The following SHANK2 variants were observed in gnomAD, a reference collection of about 807,000 sequenced individuals.
The protein encoded by SHANK2 is SH3 and multiple ankyrin repeat domains protein 2.
In SHANK2, 43 loss-of-function variants were observed where a neutral mutation model predicts 133.7. The ratio of observed to expected loss-of-function variants is 0.32; its 90% CI spans 0.25 to 0.41. SHANK2 has a LOEUF of 0.41. Among genes scored for constraint, SHANK2 ranks in the 10% least tolerant of loss-of-function variants. The pLI is 1.00. For synonymous variants in SHANK2, 1,017 were observed against 952.8 expected (o/e 1.07, Z -1.24); for missense variants, 1,994 against 2,235.8 (o/e 0.89, Z 2.18).
chr11:70,929,412 C>T (rs1252828376), intron 10 of SHANK2, among the ~76,000 whole-genome samples: 1 of 152,218 alleles, frequency 6.6e-6, no homozygotes, highest in African/African-American at 2.4e-5. Flanking sequence ...TATGCTCTTA[C>T]TGTTCTGGAG....
At chr11:71,118,029 C>T (rs1254235142) in intron 4 of SHANK2, among the ~76,000 whole-genome samples, 5 of 152,138 alleles carry the variant, frequency 3.3e-5, no homozygotes, top group African/African-American at 1.2e-4. Flanking sequence ...TGACATCCAG[C>T]TGGTGTCTGG....
intron 17 of SHANK2, among the ~76,000 whole-genome samples, chr11:70,544,909 G>A (rs1554975934): frequency 6.6e-6 from 1 of 152,226 alleles, no homozygotes; most frequent in African/African-American, 2.4e-5. Flanking sequence ...TGAGCACCAA[G>A]GACACCGTCG....
At chr11:70,812,133 C>T (rs1555053331) in intron 12 of SHANK2, among the ~76,000 whole-genome samples, 1 of 152,256 alleles carries the variant, frequency 6.6e-6, no homozygotes, top group Middle Eastern at 3.2e-3. Context: ...GTCCAGCTGG[C>T]ACCAGAGTGC....
intron 2 of SHANK2, among the ~76,000 whole-genome samples, chr11:71,208,471 G>T (rs183315829): frequency 6.6e-6 from 1 of 152,246 alleles, no homozygotes; most frequent in African/African-American, 2.4e-5. Context: ...TAGCTCCAGG[G>T]GACATTACGT....
intron 3 of SHANK2, among the ~76,000 whole-genome samples, chr11:71,132,126 G>A (rs149971611): frequency 0.012 from 1,839 of 152,338 alleles, 12 homozygotes; most frequent in East Asian, 0.02. Context: ...ATGCTGCTCA[G>A]AAGCTGTGGT....
At chr11:70,865,018 T>C (rs1949330456) in intron 11 of SHANK2, 1 of 152,070 alleles carries the variant, frequency 6.6e-6, no homozygotes, top group African/African-American at 2.4e-5. Flanking sequence ...GGAGTGAGAG[T>C]GTCTTAAAGA....
intron 9 of SHANK2, among the ~76,000 whole-genome samples, chr11:71,071,453 T>G (rs1031065427): frequency 6.6e-6 from 1 of 152,210 alleles, no homozygotes; most frequent in African/African-American, 2.4e-5. Flanking sequence ...TATCCACACG[T>G]GCTTCCTCTC....
intron 14 of SHANK2, among the ~76,000 whole-genome samples, chr11:70,770,952 TCTCA>T (rs1947237731): frequency 8.2e-6 from 1 of 121,536 alleles, no homozygotes; most frequent in Non-Finnish European, 1.6e-5. Flanking sequence ...TTTGACAGGG[TCTCA>T]CTCTGTCACC....
At chr11:70,506,366 C>T (rs1160006311) in intron 17 of SHANK2, among the ~76,000 whole-genome samples, 1 of 152,220 alleles carries the variant, frequency 6.6e-6, no homozygotes, top group Non-Finnish European at 1.5e-5. Flanking sequence ...CTGATTCCAT[C>T]CCCTGTACCC....
At chr11:70,885,482 C>T (rs1288368179) in intron 11 of SHANK2, among the ~76,000 whole-genome samples, 5 of 152,220 alleles carry the variant, frequency 3.3e-5, no homozygotes, top group African/African-American at 1.2e-4. Flanking sequence ...CCAGGGACTC[C>T]GTGTCCTCCA....
intron 4 of SHANK2, among the ~76,000 whole-genome samples, chr11:71,114,353 CT>C (rs1239765721): frequency 2.0e-5 from 3 of 152,184 alleles, no homozygotes; most frequent in Non-Finnish European, 2.9e-5. Context: ...AAAACCGCCC[CT>C]GGGTAAAATG....
intron 14 of SHANK2, among the ~76,000 whole-genome samples, chr11:70,724,325 C>G (rs1488570673): frequency 6.6e-6 from 1 of 152,136 alleles, no homozygotes; most frequent in South Asian, 2.1e-4. Flanking sequence ...AATGAGCCAC[C>G]GTGCCTGGCT....
chr11:70,798,346 C>T (rs1393492901), intron 14 of SHANK2, 97 bp downstream of exon 14: 20 of 696,216 alleles, frequency 2.9e-5, no homozygotes, highest in East Asian at 1.1e-4. Context: ...CCTCCCTCTA[C>T]GACGCAACGG....
intron 15 of SHANK2, among the ~76,000 whole-genome samples, chr11:70,686,744 G>A (rs1357755128): frequency 6.6e-6 from 1 of 152,184 alleles, no homozygotes; most frequent in African/African-American, 2.4e-5. Context: ...AGCTCTACAA[G>A]TCAGGCACCA....
intron 2 of SHANK2, among the ~76,000 whole-genome samples, chr11:71,219,487 T>G (rs1555120673): frequency 6.6e-6 from 1 of 151,956 alleles, no homozygotes; most frequent in East Asian, 1.9e-4. Context: ...ACCAATAAGC[T>G]CATAAAAACA....
At chr11:70,636,762 G>C (rs112064168) in intron 17 of SHANK2, among the ~76,000 whole-genome samples, 8 of 75,364 alleles carry the variant, frequency 1.1e-4, no homozygotes, top group Admixed American at 6.3e-4. Flanking sequence ...GTGTGAGCAT[G>C]TGTGTGAGCA....
chr11:70,862,989 C>T, intron 11 of SHANK2: 1 of 301,692 alleles, frequency 3.3e-6, no homozygotes, highest in East Asian at 8.2e-5. Context: ...GACTCAGGGA[C>T]ATGGGCTAAA....
intron 16 of SHANK2, among the ~76,000 whole-genome samples, chr11:70,661,270 G>A (rs1555013160): frequency 1.3e-5 from 2 of 152,076 alleles, no homozygotes; most frequent in African/African-American, 4.8e-5. Flanking sequence ...ACAAAATACT[G>A]ACCACCCCAT....
intron 17 of SHANK2, among the ~76,000 whole-genome samples, chr11:70,531,690 G>T (rs1215972556): frequency 6.6e-6 from 1 of 152,206 alleles, no homozygotes; most frequent in Admixed American, 6.5e-5. Context: ...GCACCTCGGG[G>T]CTGGCATGGG....
Sources: allele counts gnomAD v4.1 joint callset (sites outside exome capture counted in the v4.1 genomes callset), GRCh38; gene constraint gnomAD v4.1.1; transcripts MANE v1.5; gene names NCBI Gene and HGNC (gene_info 2026-07-23, HGNC 2026-07-21).